CACNA1C: variants seen among roughly 807,000 people sequenced by gnomAD.
CACNA1C encodes the protein calcium voltage-gated channel subunit alpha1 C, also known as voltage-dependent L-type calcium channel subunit alpha-1C.
In CACNA1C, 30 loss-of-function variants were observed where a neutral mutation model predicts 229.0. The observed-to-expected ratio is 0.13, with a 90% CI of 0.10 to 0.18. The LOEUF is 0.18. Among genes scored for constraint, CACNA1C ranks in the 10% least tolerant of loss-of-function variants. The pLI, the probability that CACNA1C is intolerant of heterozygous loss-of-function variation, is 1.00. For missense variants in CACNA1C, 1,658 were observed against 2,845.0 expected (o/e 0.58, Z 9.49); for synonymous variants, 1,114 against 1,132.5 (o/e 0.98, Z 0.33).
chr12:2,078,077 A>G (rs1289704376), intron 1 of CACNA1C, among the ~76,000 whole-genome samples: 1 of 152,194 alleles, frequency 6.6e-6, no homozygotes, highest in East Asian at 1.9e-4. Flanking sequence ...ATTTGGGGAT[A>G]GGGCCTTTGG....
intron 43 of CACNA1C, among the ~76,000 whole-genome samples, chr12:2,684,360 G>T (rs1011610934): frequency 1.3e-5 from 2 of 152,132 alleles, no homozygotes; most frequent in African/African-American, 4.8e-5. Context: ...GTGAAACACG[G>T]TCAATATAAA....
At chr12:2,527,806 G>A (rs2099824201) in intron 9 of CACNA1C, among the ~76,000 whole-genome samples, 1 of 152,152 alleles carries the variant, frequency 6.6e-6, no homozygotes, top group African/African-American at 2.4e-5. Context: ...ACATGAAAAA[G>A]TAATGTCAGT....
chr12:2,582,411 G>A (rs1440125254), intron 14 of CACNA1C, among the ~76,000 whole-genome samples: 2 of 152,174 alleles, frequency 1.3e-5, no homozygotes, highest in African/African-American at 4.8e-5. Context: ...ATCACATGTA[G>A]ATGTTGTCAA....
chr12:2,384,573 G>A (rs1471782580), intron 3 of CACNA1C, among the ~76,000 whole-genome samples: 2 of 152,104 alleles, frequency 1.3e-5, no homozygotes, highest in African/African-American at 4.8e-5. Flanking sequence ...TTCTCCGTTT[G>A]TGTACATGCC....
chr12:2,152,528 C>T lies in CACNA1C; in HGVS notation c.477+32098C>T, dbSNP rs371585578. Among the ~76,000 whole-genome samples, 16 of 152,238 alleles carry T rather than the reference C, an allele frequency of 1.1e-4. No individual in the cohort carries two copies. Among genetic ancestry groups the T allele is most frequent in the Admixed American group, 7.8e-4 (12 of 15,296 alleles). On this transcript the variant is annotated intron_variant, in intron 3 of 46. Coordinates refer to ENST00000399655, the MANE Select transcript of CACNA1C (RefSeq NM_000719.7). The surrounding 1 kb of genome is among the most constrained non-coding windows in gnomAD (Gnocchi z 4.2). ...GGTGCTGGAGCAACCATTCAGAAGGCGGTGATGGCTGGGGGAGGGCTTCCA... is the reference window on the plus strand; with the variant it reads ...GGTGCTGGAGCAACCATTCAGAAGGTGGTGATGGCTGGGGGAGGGCTTCCA...
In CACNA1C at chr12:2,651,853, C is replaced by A; in HGVS notation, c.4074+85C>A. The A allele has an allele frequency of 1.8e-6, 2 of 1,097,810 alleles. No homozygotes were observed. The highest frequency in any genetic ancestry group is 2.4e-5 in the Admixed American group (1 of 41,478). 68.0% of individuals were successfully genotyped at this position (1,097,810 alleles called of 1,614,324 possible). Reference sequence around the variant, plus strand: ...CACAGCTGACACAAGGAGGAGCCCTCCACTCTGGGGCCCTGCTCCTTCCTC... The same window carrying A: ...CACAGCTGACACAAGGAGGAGCCCTACACTCTGGGGCCCTGCTCCTTCCTC... On this transcript the variant is annotated intron_variant, in intron 32 of 46. Transcript: ENST00000399655. This position sits in a 1 kb window ranked among gnomAD's most constrained non-coding sequence, Gnocchi z 5.4.
At chr12:2,282,378 C>A (rs74630743) in intron 3 of CACNA1C, among the ~76,000 whole-genome samples, 6,521 of 152,306 alleles carry the variant, frequency 0.043, 170 homozygotes, top group Middle Eastern at 0.058. Flanking sequence ...ACACTCTTGG[C>A]AGACAGGGCT....
chr12:2,427,057 C>T (rs891409520), intron 3 of CACNA1C, among the ~76,000 whole-genome samples: 11 of 152,152 alleles, frequency 7.2e-5, no homozygotes, highest in African/African-American at 2.7e-4. Context: ...TGCCATCTTC[C>T]ACAGATGGGT....
intron 34 of CACNA1C, among the ~76,000 whole-genome samples, 196 bp downstream of exon 34, chr12:2,655,434 T>C (rs2095364065): frequency 6.6e-6 from 1 of 152,204 alleles, no homozygotes; most frequent in Non-Finnish European, 1.5e-5. Context: ...CAACCCACTA[T>C]GCACTGGCAC....
chr12:2,404,834 A>C (rs138215278), intron 3 of CACNA1C, among the ~76,000 whole-genome samples: 36 of 152,346 alleles, frequency 2.4e-4, no homozygotes, highest in Non-Finnish European at 1.0e-4. Flanking sequence ...TGAAGAGTTA[A>C]GCATGAAGGA....
chr12:2,481,316 G>A (rs73250485), intron 5 of CACNA1C, among the ~76,000 whole-genome samples: 134 of 152,300 alleles, frequency 8.8e-4, no homozygotes, highest in African/African-American at 3.0e-3. Context: ...CAAAACCACC[G>A]TAGAGAAAGG....
intron 3 of CACNA1C, among the ~76,000 whole-genome samples, chr12:2,268,066 G>A (rs1161383593): frequency 6.6e-6 from 1 of 152,176 alleles, no homozygotes; most frequent in African/African-American, 2.4e-5. Context: ...CAACCATATG[G>A]GGCCTCCACT....
At chr12:2,121,456 C>T (rs1383790173) in intron 3 of CACNA1C, among the ~76,000 whole-genome samples, 2 of 152,222 alleles carry the variant, frequency 1.3e-5, no homozygotes, top group Non-Finnish European at 2.9e-5. Flanking sequence ...CACGTTTTAA[C>T]TTCTCAGCTG....
Position 2,275,241 on chromosome 12 carries a change from AC to A in CACNA1C, c.477+154812del, listed in dbSNP as rs1446252257. Among the ~76,000 whole-genome samples, 2 of 152,130 alleles carry A rather than the reference AC, an allele frequency of 1.3e-5. No individual in the cohort carries two copies. Among genetic ancestry groups the A allele is most frequent in the Non-Finnish European group, 2.9e-5 (2 of 68,020 alleles). On this transcript the variant is annotated intron_variant, in intron 3 of 46. Transcript: ENST00000399655. The surrounding 1 kb of genome is among the most constrained non-coding windows in gnomAD (Gnocchi z 4.1). ...ATCATCAGCAATGTTAGCCCGGCAA[AC>A]GTGATCTTTCTTTCCTTTGCCCAAT...
intron 3 of CACNA1C, among the ~76,000 whole-genome samples, chr12:2,321,801 G>A (rs545687578): frequency 3.3e-5 from 5 of 152,184 alleles, no homozygotes; most frequent in Non-Finnish European, 4.4e-5. Flanking sequence ...GGAACAGCTC[G>A]TGCAAAGTCC....
intron 1 of CACNA1C, chr12:1,993,177 G>A (rs773038970): frequency 3.2e-6 from 5 of 1,578,352 alleles, no homozygotes; most frequent in African/African-American, 1.3e-5. Flanking sequence ...GATACCAAAT[G>A]CAAACACAAT....
intron 1 of CACNA1C, among the ~76,000 whole-genome samples, chr12:2,047,444 G>C (rs73044476): frequency 0.041 from 6,310 of 152,298 alleles, 203 homozygotes; most frequent in Non-Finnish European, 0.066. Context: ...GTAAAGCCAG[G>C]TGTCCACATG....
rs141993896 is a variant in CACNA1C, at chr12:2,665,096, G to C, written c.4398+106G>C. 1.5e-4 allele frequency: 183 copies of C among 1,239,650 alleles called. No individual in the cohort carries two copies. The African/African-American group carries it at 2.2e-3, about 15-fold the overall frequency. 76.8% of individuals were successfully genotyped at this position (1,239,650 alleles called of 1,614,324 possible). ...CATGGTCAGGGCAACCCTATCAGAGGAGCTGGCTTGGGAAGACTAAGTTGG... is the reference window on the plus strand; with the variant it reads ...CATGGTCAGGGCAACCCTATCAGAGCAGCTGGCTTGGGAAGACTAAGTTGG... On this transcript the variant is annotated intron_variant, in intron 35 of 46. Coordinates refer to ENST00000399655, the MANE Select transcript of CACNA1C (RefSeq NM_000719.7). This position sits in a 1 kb window ranked among gnomAD's most constrained non-coding sequence, Gnocchi z 5.9.
rs140722493 is a variant in CACNA1C, at chr12:2,205,011, C to T, written c.477+84581C>T. Among the ~76,000 whole-genome samples the T allele has an allele frequency of 3.6e-3, 545 of 152,068 alleles. 4 individuals carry two copies. Among genetic ancestry groups the T allele is most frequent in the African/African-American group, 0.012 (493 of 41,488 alleles). Reference sequence around the variant, plus strand: ...TTAGATACTCATTCCCTCATGCTCACGTTCCTCCCCAAAGAACCTCCTCCC... The same window carrying T: ...TTAGATACTCATTCCCTCATGCTCATGTTCCTCCCCAAAGAACCTCCTCCC... On this transcript the variant is annotated intron_variant, in intron 3 of 46. Transcript: ENST00000399655.
Sources: gnomAD v4.1 joint callset for allele counts (sites outside exome capture counted in the v4.1 genomes callset) on GRCh38, gnomAD v4.1.1 for gene constraint, Gnocchi (gnomAD v3.1) non-coding constraint, MANE v1.5 for transcripts, NCBI Gene and HGNC (gene_info 2026-07-23, HGNC 2026-07-21) for gene names.